PTPRD: variants seen among roughly 807,000 people sequenced by gnomAD.
The protein encoded by PTPRD is receptor-type tyrosine-protein phosphatase delta.
PTPRD carries 34 observed loss-of-function variants against 214.5 expected under a neutral mutation model. The observed-to-expected ratio is 0.16, with a 90% CI of 0.12 to 0.21. The LOEUF (loss-of-function observed/expected upper bound fraction) is 0.21. Ranked by LOEUF, PTPRD falls within the 10% of genes least tolerant of loss-of-function variation. The pLI, the probability that PTPRD is intolerant of heterozygous loss-of-function variation, is 1.00. For synonymous variants in PTPRD, 1,128 were observed against 845.7 expected, an observed-to-expected ratio of 1.33 and a Z score of -5.79; for missense variants, 2,545 against 2,398.7, an observed-to-expected ratio of 1.06 and a Z score of -1.27.
At chr9:10,433,262 C>A (rs2098695243) in intron 2 of PTPRD, among the ~76,000 whole-genome samples, 1 of 151,842 alleles carries the variant, frequency 6.6e-6, no homozygotes, top group South Asian at 2.1e-4. Context: ...GCTCTTGTGC[C>A]ATTTGCTGTC....
chr9:8,990,379 C>T (rs1029818174), intron 11 of PTPRD, among the ~76,000 whole-genome samples: 4 of 152,066 alleles, frequency 2.6e-5, no homozygotes, highest in Admixed American at 2.6e-4. Context: ...CTGCTTGTAC[C>T]GAACATGTAA....
intron 14 of PTPRD, among the ~76,000 whole-genome samples, chr9:8,610,468 C>A (rs1223190378): frequency 6.6e-6 from 1 of 152,128 alleles, no homozygotes; most frequent in Non-Finnish European, 1.5e-5. Context: ...AGTGTCCCAG[C>A]CACACCACAT....
chr9:9,188,969 A>G (rs916796103), intron 9 of PTPRD, among the ~76,000 whole-genome samples: 1 of 152,092 alleles, frequency 6.6e-6, no homozygotes, highest in Non-Finnish European at 1.5e-5. Flanking sequence ...AAAGATGACA[A>G]GGACCACAAG....
In PTPRD at chr9:8,584,657, C is replaced by A. The variant is rs1420711136; in HGVS notation, c.352+48660G>T. On this transcript the variant is annotated intron_variant, in intron 14 of 45. Transcript: ENST00000381196. The stretch of plus-strand genomic sequence containing the variant: ...GTTCTAGAGACTCTGGTTAAGAAAT[C>A]TACCCCAGCATTTCCTAATAAGTTG... Among the ~76,000 whole-genome samples, 5 of 152,270 alleles carry A rather than the reference C, an allele frequency of 3.3e-5. No homozygotes were observed. In the East Asian group the frequency reaches 9.7e-4, roughly 29 times the overall value.
chr9:8,763,851 G>T (rs185079628), intron 11 of PTPRD, among the ~76,000 whole-genome samples: 183 of 152,152 alleles, frequency 1.2e-3, no homozygotes, highest in African/African-American at 4.1e-3. Flanking sequence ...TTCATAAAAA[G>T]CCACAAAATG....
chr9:9,584,723 A>G (rs139194681), intron 7 of PTPRD, among the ~76,000 whole-genome samples: 1,622 of 151,946 alleles, frequency 0.011, 17 homozygotes, highest in Non-Finnish European at 0.016. Context: ...GTCCTGAATT[A>G]CCATGCACCC....
At chr9:9,627,809 A>AAATTCATT (rs1242049802) in intron 7 of PTPRD, among the ~76,000 whole-genome samples, 1 of 152,214 alleles carries the variant, frequency 6.6e-6, no homozygotes, top group Admixed American at 6.5e-5. Context: ...CCTTTATTAC[A>AAATTCATT]AATTCATTAA....
intron 10 of PTPRD, among the ~76,000 whole-genome samples, chr9:9,178,664 A>C (rs888988955): frequency 1.3e-5 from 2 of 152,030 alleles, no homozygotes; most frequent in African/African-American, 4.8e-5. Context: ...CATTTAGTCA[A>C]CCTCCATACA....
chr9:10,098,870 G>A (rs1219695386), intron 3 of PTPRD, among the ~76,000 whole-genome samples: 1 of 151,706 alleles, frequency 6.6e-6, no homozygotes. Context: ...AAAGATCACT[G>A]CACTTCACCA....
intron 6 of PTPRD, among the ~76,000 whole-genome samples, chr9:9,749,603 A>C (rs1426152381): frequency 6.6e-6 from 1 of 152,188 alleles, no homozygotes; most frequent in Non-Finnish European, 1.5e-5. Context: ...TATTCTATAG[A>C]CAATCCACAG....
chr9:8,400,280 T>C (rs980251693), intron 36 of PTPRD, among the ~76,000 whole-genome samples: 1 of 152,226 alleles, frequency 6.6e-6, no homozygotes, highest in Non-Finnish European at 1.5e-5. Context: ...CTGCCACTAA[T>C]TGATACCCCT....
chr9:10,511,458 C>T (rs1019208242), intron 2 of PTPRD, among the ~76,000 whole-genome samples: 7 of 151,928 alleles, frequency 4.6e-5, no homozygotes, highest in South Asian at 2.1e-4. Flanking sequence ...GGCTGTAGTG[C>T]GATGGTGCTA....
intron 4 of PTPRD, among the ~76,000 whole-genome samples, chr9:9,994,015 C>A (rs527983115): frequency 1.3e-5 from 2 of 152,164 alleles, no homozygotes; most frequent in African/African-American, 4.8e-5. Flanking sequence ...TTTAATACAA[C>A]AATTTTTTGA....
intron 3 of PTPRD, among the ~76,000 whole-genome samples, chr9:10,274,248 C>T (rs567708300): frequency 6.6e-6 from 1 of 152,048 alleles, no homozygotes; most frequent in East Asian, 1.9e-4. Context: ...TTATTAATAA[C>T]TTTTGTATGT....
intron 3 of PTPRD, among the ~76,000 whole-genome samples, chr9:10,197,976 AT>A (rs1347773444): frequency 1.3e-5 from 2 of 152,078 alleles, no homozygotes; most frequent in African/African-American, 2.4e-5. Flanking sequence ...CTACTTGAAA[AT>A]TTTTTTAAAC....
chr9:9,841,736 C>G (rs2058375601), intron 5 of PTPRD, among the ~76,000 whole-genome samples: 1 of 152,056 alleles, frequency 6.6e-6, no homozygotes, highest in Non-Finnish European at 1.5e-5. Flanking sequence ...TTGTATTTTT[C>G]TCTATCTGGT....
intron 3 of PTPRD, among the ~76,000 whole-genome samples, chr9:10,234,807 T>C (rs559011305): frequency 3.3e-5 from 5 of 152,036 alleles, no homozygotes; most frequent in African/African-American, 1.2e-4. Context: ...AACTGAAATA[T>C]ATTTTACTTA....
chr9:9,861,002 GACAT>G (rs1306850602), intron 5 of PTPRD, among the ~76,000 whole-genome samples: 2 of 152,136 alleles, frequency 1.3e-5, no homozygotes, highest in East Asian at 3.8e-4. Context: ...TGGAAAAATA[GACAT>G]TATAGTTGGA....
chr9:10,399,008 T>C (rs1454490523), intron 2 of PTPRD, among the ~76,000 whole-genome samples: 3 of 152,008 alleles, frequency 2.0e-5, no homozygotes, highest in Non-Finnish European at 4.4e-5. Flanking sequence ...GAATGTCTAA[T>C]AAATGTCAGA....
Sources: gnomAD v4.1 joint callset for allele counts (sites outside exome capture counted in the v4.1 genomes callset) on GRCh38, gnomAD v4.1.1 for gene constraint, MANE v1.5 for transcripts, NCBI Gene and HGNC (gene_info 2026-07-23, HGNC 2026-07-21) for gene names.